The following COQ2 variants were observed in gnomAD, a reference collection of about 807,000 sequenced individuals.
COQ2 encodes coenzyme Q2, polyprenyltransferase.
In COQ2, 25 loss-of-function variants were observed where a neutral mutation model predicts 35.7. The observed-to-expected ratio is 0.70, with a 90% CI of 0.51 to 0.98. COQ2 has a LOEUF of 0.98. COQ2 is among the 50% of genes least tolerant of loss of function. The pLI, the probability that COQ2 is intolerant of heterozygous loss-of-function variation, is 0.00. For synonymous variants in COQ2, 206 were observed against 186.2 expected (o/e 1.11, Z -0.86); for missense variants, 488 against 473.5 (o/e 1.03, Z -0.28).
At chr4:83,283,801 T>C in intron 1 of COQ2, 1 of 985,434 alleles carries the variant, frequency 1.0e-6, no homozygotes, top group Non-Finnish European at 1.2e-6. Flanking sequence ...TGAGTGCTAT[T>C]AAGAAAAATT....
In COQ2 at chr4:83,264,270, G is replaced by C. The variant is rs1336920180; in HGVS notation, c.1045C>G (p.Leu349Val). 1.2e-6 allele frequency: 2 copies of C among 1,610,704 alleles called. No individual in the cohort carries two copies. The highest frequency in any genetic ancestry group is 1.7e-5 in the Admixed American group (1 of 59,582). Residue 349 changes from leucine to valine, a missense_variant, in exon 7 of 7, where the codon CTT becomes GTT. Leu to Val is a conservative substitution (Grantham distance 32). Coordinates refer to ENST00000647002, the MANE Select transcript of COQ2 (RefSeq NM_001358921.2). ...LGLIVFLGIV[L>V]GNLWKEKKTD... is the part of the protein sequence containing the mutation. ...TTCTTTTCTTTCCACAAATTCCCAA[G>C]GACAATCCCTAAAAAAACTATTAGT...
At chr4:83,273,449 T>G in intron 3 of COQ2, 47 bp downstream of exon 3, 1 of 1,558,558 alleles carries the variant, frequency 6.4e-7, no homozygotes, top group Non-Finnish European at 8.7e-7. Flanking sequence ...ATTTTCTCCA[T>G]TTCAAAGGAG....
chr4:83,283,804 G>A (rs1365273408), intron 1 of COQ2: 1 of 985,322 alleles, frequency 1.0e-6, no homozygotes, highest in East Asian at 1.1e-4. Flanking sequence ...GTGCTATTAA[G>A]AAAAATTGCG....
intron 4 of COQ2, among the ~76,000 whole-genome samples, chr4:83,271,412 CCCTTGTT>C: frequency 6.6e-6 from 1 of 152,294 alleles, no homozygotes; most frequent in East Asian, 1.9e-4. Context: ...TACACTTTAA[CCCTTGTT>C]TTCCTGCCAC....
intron 1 of COQ2, among the ~76,000 whole-genome samples, chr4:83,280,902 C>T (rs139371406): frequency 1.7e-3 from 264 of 152,348 alleles, no homozygotes; most frequent in African/African-American, 6.1e-3. Context: ...GTTCTAAATG[C>T]TTTATATGTC....
chr4:83,282,505 GTT>G (rs1192389854), intron 1 of COQ2: 15 of 412,362 alleles, frequency 3.6e-5, no homozygotes, highest in Admixed American at 6.4e-5. Flanking sequence ...GTACTATTTA[GTT>G]TTCTGAAAAA....
chr4:83,264,034 G>C lies in COQ2; in HGVS notation c.*165C>G, dbSNP rs2126170139. ...ATCCTGAAGAGTCCCTGGTTTCTGT[G>C]ACAAGGGGGAATTTTGCTAGCAAAT... On this transcript the variant is annotated 3_prime_UTR_variant, in exon 7 of 7. Transcript: ENST00000647002. The C allele has an allele frequency of 1.9e-6, 1 of 514,512 alleles. No homozygotes were observed. Among genetic ancestry groups the C allele is most frequent in the African/African-American group, 2.0e-5 (1 of 49,486 alleles). 31.9% of individuals were successfully genotyped at this position (514,512 alleles called of 1,614,324 possible). A position where few individuals can be genotyped will look rare whatever the true frequency, so the allele number is the denominator to read the frequency against.
At chr4:83,266,807 C>T (rs962794245) in intron 6 of COQ2, 23 of 185,852 alleles carry the variant, frequency 1.2e-4, no homozygotes, top group Non-Finnish European at 1.1e-4. Context: ...CTGCTCTCTA[C>T]TGGCAGAACT....
At chr4:83,267,284 GGAGGATTGCT>G (rs1734941449) in intron 6 of COQ2, 2 of 431,232 alleles carry the variant, frequency 4.6e-6, no homozygotes, top group Non-Finnish European at 8.9e-6. Context: ...TGCTGAGGTG[GGAGGATTGCT>G]TCAGTCCAGG....
intron 2 of COQ2, among the ~76,000 whole-genome samples, chr4:83,278,320 T>C (rs1161319667): frequency 1.3e-5 from 2 of 151,930 alleles, no homozygotes; most frequent in African/African-American, 4.8e-5. Flanking sequence ...ACACATGCAT[T>C]AGAACAGGTA....
intron 1 of COQ2, among the ~76,000 whole-genome samples, chr4:83,281,981 C>A (rs1343322388): frequency 1.3e-5 from 2 of 151,162 alleles, no homozygotes; most frequent in Non-Finnish European, 1.5e-5. Flanking sequence ...TTTTGTCTTC[C>A]ATATGACACT....
intron 2 of COQ2, among the ~76,000 whole-genome samples, chr4:83,274,630 G>A (rs1448727906): frequency 6.6e-6 from 1 of 152,136 alleles, no homozygotes; most frequent in African/African-American, 2.4e-5. Flanking sequence ...GTTTTCAGAA[G>A]TTTGACTATA....
chr4:83,279,057 CCTGGTTCAG>C lies in COQ2; in HGVS notation c.302_310del (p.Ala101_Pro103del). The C allele has an allele frequency of 6.3e-7, 1 of 1,598,278 alleles. No homozygotes were observed. The highest frequency in any genetic ancestry group is 8.5e-7 in the Non-Finnish European group (1 of 1,172,134). On this transcript the variant is annotated inframe_deletion, in exon 2 of 7. Coordinates refer to ENST00000647002, the MANE Select transcript of COQ2 (RefSeq NM_001358921.2). ...GAGCATGTACCAATCTGGAAAACAA[CCTGGTTCAG>C]CTGCCAAACCAATGCTCCAGGTACA...
chr4:83,284,910 G>A, upstream of COQ2: 1 of 1,511,472 alleles, frequency 6.6e-7, no homozygotes. Flanking sequence ...TGAAATTGGG[G>A]TCATCGTGGT....
intron 2 of COQ2, among the ~76,000 whole-genome samples, chr4:83,276,033 TA>T (rs1735164086): frequency 9.0e-5 from 2 of 22,260 alleles, no homozygotes; most frequent in Non-Finnish European, 3.5e-4. Context: ...TATTTTTATA[TA>T]ATATATAAAA....
chr4:83,284,564 C>A lies in COQ2; in HGVS notation c.201G>T (p.Ala67=). 2 of 1,566,174 alleles carry A rather than the reference C, an allele frequency of 1.3e-6. No homozygotes were observed. Among genetic ancestry groups the A allele is most frequent in the Non-Finnish European group, 1.7e-6 (2 of 1,157,622 alleles). The change falls in exon 1 of 7, where the codon GCG becomes GCT. Residue 67 remains alanine, a synonymous_variant. Coordinates refer to ENST00000647002, the MANE Select transcript of COQ2 (RefSeq NM_001358921.2). Reference sequence around the variant, plus strand: ...GCAAGTACGGCTGCAGGGGGCGGGGCGCAGAGTCCACCACCGCCGCCGCGG... The same window carrying A: ...GCAAGTACGGCTGCAGGGGGCGGGGAGCAGAGTCCACCACCGCCGCCGCGG... The part of the protein sequence containing the change: ...SLSAAAVVDS[A]PRPLQPYLRL...
chr4:83,278,852 G>A (rs1735243277), intron 2 of COQ2, 96 bp downstream of exon 2: 1 of 1,287,046 alleles, frequency 7.8e-7, no homozygotes, highest in Non-Finnish European at 1.0e-6. Context: ...GTCACTGAAT[G>A]ATCTTGTTGC....
At position 83,283,255 on chromosome 4, in the gene COQ2, A is replaced by G. The variant is rs533448417; in HGVS notation, c.253+1257T>C. On this transcript the variant is annotated intron_variant, in intron 1 of 6. Coordinates refer to ENST00000647002, the MANE Select transcript of COQ2 (RefSeq NM_001358921.2). The stretch of plus-strand genomic sequence containing the variant: ...GGGCAAAAGTGGAGTAAATGTACCT[A>G]GGCCTTTGACTACATCTCCATACAC... 320 of 985,080 alleles carry G rather than the reference A, an allele frequency of 3.2e-4. 1 individual carries two copies. The African/African-American group carries it at 5.2e-3, about 16-fold the overall frequency. The allele number at this position is 985,080 out of a possible 1,614,324, so 61.0% of individuals were successfully genotyped here. A position where few individuals can be genotyped will look rare whatever the true frequency, so the allele number is the denominator to read the frequency against.
intron 1 of COQ2, chr4:83,283,603 C>T (rs1218934750): frequency 1.0e-6 from 1 of 985,320 alleles, no homozygotes; most frequent in Admixed American, 6.1e-5. Flanking sequence ...TTGTATCACT[C>T]ATATTTGATC....
Sources: allele counts gnomAD v4.1 joint callset (sites outside exome capture counted in the v4.1 genomes callset), GRCh38; gene constraint gnomAD v4.1.1; transcripts MANE v1.5; gene names NCBI Gene and HGNC (gene_info 2026-07-23, HGNC 2026-07-21).